SLC11A2: variants seen among roughly 807,000 people sequenced by gnomAD.
SLC11A2 encodes natural resistance-associated macrophage protein 2.
SLC11A2 carries 38 observed loss-of-function variants against 68.0 expected under a neutral mutation model. The observed-to-expected ratio is 0.56, with a 90% CI of 0.43 to 0.73. The LOEUF (loss-of-function observed/expected upper bound fraction) is 0.73, where lower values mean the gene tolerates loss of function less well. Ranked by LOEUF, SLC11A2 falls within the 30% of genes least tolerant of loss-of-function variation. The probability of loss-of-function intolerance (pLI) is 0.00; values close to 1 mark genes in which losing one functional copy is unlikely to be tolerated. For missense variants in SLC11A2, 517 were observed against 690.5 expected, an observed-to-expected ratio of 0.75 and a Z score of 2.82; for synonymous variants, 242 against 250.6, an observed-to-expected ratio of 0.97 and a Z score of 0.32.
At chr12:50,990,546 T>C in intron 15 of SLC11A2, 1 of 459,368 alleles carries the variant, frequency 2.2e-6, no homozygotes, top group East Asian at 3.3e-5. Context: ...CACCTGGAGG[T>C]AGATTGTTAT....
intron 10 of SLC11A2, 68 bp from the exon 11 acceptor site, chr12:50,994,698 C>T (rs1941535247): frequency 1.2e-6 from 1 of 865,246 alleles, no homozygotes; most frequent in East Asian, 2.4e-5. Context: ...AGCTCTCCTA[C>T]ATATCATACA....
chr12:50,981,461 T>G (rs925233393), downstream of SLC11A2: 1 of 325,720 alleles, frequency 3.1e-6, no homozygotes. Context: ...AATCCCAGAG[T>G]CCAAGACACA....
At chr12:50,990,199 G>C (rs1454228116) in intron 15 of SLC11A2, among the ~76,000 whole-genome samples, 4 of 151,726 alleles carry the variant, frequency 2.6e-5, no homozygotes, top group Admixed American at 2.0e-4. Flanking sequence ...AGAGTCAAGG[G>C]GAGACTATCA....
At position 51,005,331 on chromosome 12, in the gene SLC11A2, C is replaced by T; in HGVS notation, c.289G>A (p.Gly97Arg). 6.2e-7 allele frequency: 1 copy of T among 1,613,992 alleles called. No homozygotes were observed. The highest frequency in any genetic ancestry group is 8.5e-7 in the Non-Finnish European group (1 of 1,179,922). Residue 97 changes from glycine (G) to arginine (R), a missense_variant, in exon 4 of 16, where the codon GGA becomes AGA. Transcript: ENST00000262052. The part of the protein sequence containing the change: ...PGNIESDLQS[G>R]AVAGFKLLWI... ...TTCACCTTAAATCCAGCCACTGCTC[C>T]AGACTGCAAATCGGATTCAATATTT...
At chr12:51,010,876 T>C in intron 1 of SLC11A2, 110 bp from the exon 2 acceptor site, 1 of 499,020 alleles carries the variant, frequency 2.0e-6, no homozygotes, top group South Asian at 4.1e-5. Context: ...AAAGAGTAAT[T>C]TTTCTACTGA....
intron 11 of SLC11A2, among the ~76,000 whole-genome samples, chr12:50,993,413 C>T (rs1290971772): frequency 1.3e-5 from 2 of 152,096 alleles, no homozygotes; most frequent in African/African-American, 4.8e-5. Flanking sequence ...TTTCTTGGGG[C>T]TGGGTAGGGT....
chr12:50,990,799 T>C lies in SLC11A2; in HGVS notation c.1571A>G (p.Tyr524Cys), dbSNP rs1369617023. ...GCTCTTCCAGGCTAGACTTACCAAG[T>C]AGAACACAAAGCCCAGATAAGCCAC... ...VSVAYLGFVF[Y>C]LGWQCLIALG... The change falls in exon 15 of 16, where the codon TAC becomes TGC. Residue 524 changes from tyrosine to cysteine, a missense_variant. Transcript: ENST00000262052. 6 of 1,613,994 alleles carry C rather than the reference T, an allele frequency of 3.7e-6. No homozygotes were observed. Among genetic ancestry groups the C allele is most frequent in the East Asian group, 2.2e-5 (1 of 44,880 alleles).
chr12:50,985,704 T>A (rs1940475854), downstream of SLC11A2, among the ~76,000 whole-genome samples: 1 of 152,112 alleles, frequency 6.6e-6, no homozygotes, highest in Admixed American at 6.6e-5. Flanking sequence ...CAGAATAAAA[T>A]TTTTTTCCCA....
Position 50,986,567 on chromosome 12 carries a change from A to G in SLC11A2, c.*1758T>C, listed in dbSNP as rs1298675999. On this transcript the variant is annotated 3_prime_UTR_variant, in exon 16 of 16. Coordinates refer to ENST00000262052, the MANE Select transcript of SLC11A2 (RefSeq NM_000617.3). ...ATACATGTTACCATATCATCTTTAT[A>G]AAGAATTTTTTTTTTGTCGTCAGTT... 3 of 1,286,894 alleles carry G rather than the reference A, an allele frequency of 2.3e-6. No individual in the cohort carries two copies. The highest frequency in any genetic ancestry group is 3.0e-6 in the Non-Finnish European group (3 of 988,670). 79.7% of individuals were successfully genotyped at this position (1,286,894 alleles called of 1,614,324 possible).
chr12:50,968,827 C>A, the SLC11A2 span, among the ~76,000 whole-genome samples: 1 of 151,852 alleles, frequency 6.6e-6, no homozygotes, highest in Admixed American at 6.6e-5. Flanking sequence ...CAGGCATGAG[C>A]CACCACGCCT....
At chr12:50,977,366 G>C (rs1400352029), downstream of SLC11A2, among the ~76,000 whole-genome samples, 1 of 152,136 alleles carries the variant, frequency 6.6e-6, no homozygotes, top group African/African-American at 2.4e-5. Context: ...TCTGACCTTT[G>C]ACAAACCTGA....
At chr12:50,993,089 C>T (rs1632791) in intron 11 of SLC11A2, 160 bp from the exon 12 acceptor site, 379,466 of 777,870 alleles carry the variant, frequency 0.49, 99,260 homozygotes, top group Non-Finnish European at 0.57. Flanking sequence ...CAAGTCTGGA[C>T]CTCATTCCAG....
chr12:50,957,366 T>C, the SLC11A2 span, among the ~76,000 whole-genome samples: 51 of 151,762 alleles, frequency 3.4e-4, no homozygotes, highest in Non-Finnish European at 5.9e-4. Flanking sequence ...ACCTGGCTAA[T>C]TTTTGTATTT....
In SLC11A2 at chr12:50,990,870, C is replaced by T; in HGVS notation, c.1500G>A (p.Arg500=). Residue 500 remains arginine, a synonymous_variant, in exon 15 of 16, where the codon CGG becomes CGA. Coordinates refer to ENST00000262052, the MANE Select transcript of SLC11A2 (RefSeq NM_000617.3). ...CATATAATGCCACATGCCCTAGGTCCCGGACATAAACCACTACAAAGTACA... is the reference window on the plus strand; with the variant it reads ...CATATAATGCCACATGCCCTAGGTCTCGGACATAAACCACTACAAAGTACA... ...INMYFVVVYV[R]DLGHVALYVV... The T allele has an allele frequency of 6.2e-7, 1 of 1,614,032 alleles. No individual in the cohort carries two copies. Among genetic ancestry groups the T allele is most frequent in the Non-Finnish European group, 8.5e-7 (1 of 1,179,942 alleles).
At chr12:50,972,752 T>A in the SLC11A2 span, among the ~76,000 whole-genome samples, 6 of 152,094 alleles carry the variant, frequency 3.9e-5, no homozygotes, top group African/African-American at 1.4e-4. Flanking sequence ...CCAAGGGAAG[T>A]GGGGACAAAC....
chr12:51,009,923 T>C (rs1398046002), intron 2 of SLC11A2, among the ~76,000 whole-genome samples: 1 of 152,206 alleles, frequency 6.6e-6, no homozygotes, highest in Non-Finnish European at 1.5e-5. Context: ...GGCTCATGCC[T>C]GTAATCCCAG....
chr12:51,002,158 G>A (rs2136258081), intron 5 of SLC11A2, among the ~76,000 whole-genome samples: 1 of 152,152 alleles, frequency 6.6e-6, no homozygotes, highest in East Asian at 1.9e-4. Flanking sequence ...GCCCAGCCTT[G>A]GCAACATGGC....
At chr12:50,991,776 C>A in intron 13 of SLC11A2, 104 bp from the exon 14 acceptor site, 1 of 857,266 alleles carries the variant, frequency 1.2e-6, no homozygotes, top group South Asian at 1.4e-5. Flanking sequence ...CTCAACTACT[C>A]CATGAGAAAT....
rs921733609 is a variant in SLC11A2, at chr12:51,015,574, T to G, written c.-38-4808A>C. ...ACAGCATTCAAGTCTCCATGAAAAT[T>G]TATGACCCATATGGAAGCAGTAAGT... On this transcript the variant is annotated intron_variant, in intron 1 of 15. Transcript: ENST00000262052. Among the ~76,000 whole-genome samples, 8 of 151,900 alleles carry G rather than the reference T, an allele frequency of 5.3e-5. No homozygotes were observed. The East Asian group carries it at 1.3e-3, about 26-fold the overall frequency.
Sources: allele counts gnomAD v4.1 joint callset (sites outside exome capture counted in the v4.1 genomes callset), GRCh38; gene constraint gnomAD v4.1.1; transcripts MANE v1.5; gene names NCBI Gene and HGNC (gene_info 2026-07-23, HGNC 2026-07-21).